SCN2A: variants seen among roughly 807,000 people sequenced by gnomAD.
SCN2A encodes sodium channel protein type 2 subunit alpha.
A neutral mutation model predicts 188.7 loss-of-function variants in SCN2A; 20 were observed. That is an observed-to-expected ratio of 0.11 (90% CI 0.07 to 0.15). The LOEUF (loss-of-function observed/expected upper bound fraction) is 0.15, where lower values mean the gene tolerates loss of function less well. SCN2A is among the 10% of genes least tolerant of loss of function. SCN2A has a pLI of 1.00. For synonymous variants in SCN2A, 804 were observed against 833.1 expected, an observed-to-expected ratio of 0.97 and a Z score of 0.60; for missense variants, 1,278 against 2,445.0, an observed-to-expected ratio of 0.52 and a Z score of 10.07.
chr2:165,371,697 G>A (rs1261147777), intron 20 of SCN2A: 1 of 152,198 alleles, frequency 6.6e-6, no homozygotes, highest in Non-Finnish European at 1.5e-5. Context: ...GAAAAGATCT[G>A]AAGAACCTGA....
At position 165,350,464 on chromosome 2, in the gene SCN2A, C is replaced by CTT. The variant is rs71028479; in HGVS notation, c.2920-3703_2920-3702dup. On this transcript the variant is annotated intron_variant, in intron 16 of 26. Coordinates refer to ENST00000375437, the MANE Select transcript of SCN2A (RefSeq NM_001040142.2). ...GTGAGCTTGCTGAACTGTTTTCTTT[C>CTT]TTTTTTTTTTTTTTTTTTTTTTTTT... Among the ~76,000 whole-genome samples the CTT allele has an allele frequency of 1.4e-3, 107 of 73,834 alleles. 6 individuals carry two copies. The highest frequency in any genetic ancestry group is 2.1e-3 in the East Asian group (5 of 2,434). 48.4% of individuals were successfully genotyped at this position (73,834 alleles called of 152,430 possible).
intron 14 of SCN2A, among the ~76,000 whole-genome samples, chr2:165,341,251 G>A (rs569127414): frequency 6.7e-4 from 102 of 152,158 alleles, no homozygotes; most frequent in African/African-American, 2.3e-3. Context: ...CCGCCACCGC[G>A]CCCGGCTAAT....
intron 1 of SCN2A, among the ~76,000 whole-genome samples, chr2:165,274,815 A>C (rs1695264340): frequency 6.6e-6 from 1 of 152,206 alleles, no homozygotes; most frequent in South Asian, 2.1e-4. Flanking sequence ...CCCTGCAGGC[A>C]GCCATCCAGG....
rs1867864 is a variant in SCN2A, at chr2:165,323,140, C to T, written c.1672-16C>T. On this transcript the variant is annotated splice_polypyrimidine_tract_variant and intron_variant, in intron 11 of 26. Coordinates refer to ENST00000375437, the MANE Select transcript of SCN2A (RefSeq NM_001040142.2). Reference sequence around the variant, plus strand: ...TCTCTTCATCTCATTTTTGTTTCTTCTCTTGTTATTCATAGTCCTTACTGA... The same window carrying T: ...TCTCTTCATCTCATTTTTGTTTCTTTTCTTGTTATTCATAGTCCTTACTGA... 0.56 allele frequency: 897,806 copies of T among 1,609,910 alleles called. 254,998 individuals are homozygous for T. Among genetic ancestry groups the T allele is most frequent in the African/African-American group, 0.61 (45,589 of 74,750 alleles).
intron 1 of SCN2A, among the ~76,000 whole-genome samples, chr2:165,251,929 T>A (rs1201777540): frequency 6.6e-6 from 1 of 152,106 alleles, no homozygotes; most frequent in East Asian, 1.9e-4. Context: ...TAGGTACTAT[T>A]ATGACTAAAT....
At chr2:165,322,682 T>A (rs1698136796) in intron 11 of SCN2A, among the ~76,000 whole-genome samples, 1 of 152,216 alleles carries the variant, frequency 6.6e-6, no homozygotes, top group South Asian at 2.1e-4. Flanking sequence ...ATTTCCTCCA[T>A]GGTAAGATTT....
Position 165,344,653 on chromosome 2 carries a change from A to G in SCN2A, c.2661A>G (p.Val887=), listed in dbSNP as rs749540280. The change falls in exon 16 of 27, where the codon GTA becomes GTG. Residue 887 remains valine, a synonymous_variant. Transcript: ENST00000375437. ...GGGCTCTAGGAAACCTCACCTTGGT[A>G]TTGGCCATCATCGTCTTCATTTTTG... ...SVGALGNLTL[V]LAIIVFIFAV... 44 of 1,613,938 alleles carry G rather than the reference A, an allele frequency of 2.7e-5. No individual in the cohort carries two copies. The Middle Eastern group carries it at 4.9e-4, about 18-fold the overall frequency.
chr2:165,265,468 GATCTATATATATATATATATAT>G (rs1424104990), intron 1 of SCN2A, among the ~76,000 whole-genome samples: 29 of 19,780 alleles, frequency 1.5e-3, no homozygotes, highest in African/African-American at 4.5e-3. Flanking sequence ...TTACTCTGTT[GATCTATATATATATATATATAT>G]ATATATATAT....
intron 3 of SCN2A, among the ~76,000 whole-genome samples, chr2:165,303,218 C>A (rs1696915130): frequency 1.3e-5 from 2 of 149,496 alleles, no homozygotes; most frequent in Admixed American, 1.3e-4. Flanking sequence ...ATCACCAATG[C>A]AAAATCCATA....
chr2:165,306,652 A>G (rs926214592), intron 3 of SCN2A, among the ~76,000 whole-genome samples: 4 of 151,970 alleles, frequency 2.6e-5, no homozygotes, highest in Non-Finnish European at 2.9e-5. Context: ...TGGGCCTTAC[A>G]GCACAGCTAC....
chr2:165,270,581 TA>T (rs1367763076), intron 1 of SCN2A: 1 of 152,226 alleles, frequency 6.6e-6, no homozygotes, highest in Admixed American at 6.6e-5. Context: ...CCTTTCTGTA[TA>T]AAATCTGTAA....
chr2:165,338,261 CT>C (rs71028478), intron 14 of SCN2A, among the ~76,000 whole-genome samples: 163 of 139,224 alleles, frequency 1.2e-3, no homozygotes, highest in South Asian at 9.7e-3. Context: ...AAGATTTGAA[CT>C]TTTTTTTTTT....
At chr2:165,321,612 A>T (rs1196829167) in intron 11 of SCN2A, among the ~76,000 whole-genome samples, 1 of 151,466 alleles carries the variant, frequency 6.6e-6, no homozygotes, top group Non-Finnish European at 1.5e-5. Flanking sequence ...CACATCTTAC[A>T]TGGATGGTGT....
chr2:165,367,769 T>C (rs1700805350), intron 19 of SCN2A, among the ~76,000 whole-genome samples: 1 of 152,164 alleles, frequency 6.6e-6, no homozygotes, highest in South Asian at 2.1e-4. Flanking sequence ...AGGAGCGAAC[T>C]CCACTCACTC....
At chr2:165,243,041 C>A (rs1044179631) in intron 1 of SCN2A, among the ~76,000 whole-genome samples, 1 of 152,168 alleles carries the variant, frequency 6.6e-6, no homozygotes, top group African/African-American at 2.4e-5. Flanking sequence ...ATATTTTAGT[C>A]ACATTAATTC....
chr2:165,367,444 T>C, intron 19 of SCN2A, 73 bp downstream of exon 19: 2 of 1,473,116 alleles, frequency 1.4e-6, no homozygotes, highest in African/African-American at 1.4e-5. Flanking sequence ...CAACTCATAT[T>C]ACCCACTTTT....
rs555613274 is a variant in SCN2A, at chr2:165,301,611, T to C, written c.386+4476T>C. ...TAATAATGATAAAATGTATGACAAG[T>C]ATCTAGCACCAGATCCCATGCTAGT... On this transcript the variant is annotated intron_variant, in intron 3 of 26. Coordinates refer to ENST00000375437, the MANE Select transcript of SCN2A (RefSeq NM_001040142.2). Among the ~76,000 whole-genome samples, 3 of 152,308 alleles carry C rather than the reference T, an allele frequency of 2.0e-5. No individual in the cohort carries two copies. The South Asian group carries it at 6.2e-4, about 32-fold the overall frequency.
intron 3 of SCN2A, 110 bp from the exon 4 acceptor site, chr2:165,307,738 A>G (rs1392990833): frequency 2.5e-6 from 2 of 800,832 alleles, no homozygotes. Context: ...ATAATAAGCA[A>G]CAAAATAATA....
rs149689251 is a variant in SCN2A at position 165,253,886 on chromosome 2, G to C, written c.-52+14246G>C. 2.6e-5 allele frequency among the ~76,000 whole-genome samples: 4 copies of C among 151,970 alleles called. No individual in the cohort carries two copies. In the South Asian group the frequency reaches 6.2e-4, roughly 24 times the overall value. ...GTCTGAAAATAATTAGGACAATTAT[G>C]TCATGCCTTTCTTTGCTAATATTTC... On this transcript the variant is annotated intron_variant, in intron 1 of 26. Transcript: ENST00000375437.
Sources: gnomAD v4.1 joint callset for allele counts (sites outside exome capture counted in the v4.1 genomes callset) on GRCh38, gnomAD v4.1.1 for gene constraint, MANE v1.5 for transcripts, NCBI Gene and HGNC (gene_info 2026-07-23, HGNC 2026-07-21) for gene names.